PKHD1: variants seen among roughly 807,000 people sequenced by gnomAD.
PKHD1 encodes PKHD1 ciliary IPT domain containing fibrocystin/polyductin, also known as fibrocystin.
A neutral mutation model predicts 412.0 loss-of-function variants in PKHD1; 291 were observed. The observed-to-expected ratio is 0.71, with a 90% CI of 0.64 to 0.78. The LOEUF (loss-of-function observed/expected upper bound fraction) is 0.78, where lower values mean the gene tolerates loss of function less well. Ranked by LOEUF, PKHD1 falls within the 30% of genes least tolerant of loss-of-function variation. The pLI is 0.00. For missense variants in PKHD1, 4,825 were observed against 4,950.7 expected (o/e 0.97, Z 0.76); for synonymous variants, 1,777 against 1,821.5 (o/e 0.98, Z 0.62).
chr6:51,941,151 T>A (rs191578837), intron 36 of PKHD1, among the ~76,000 whole-genome samples: 1,657 of 149,754 alleles, frequency 0.011, 32 homozygotes, highest in African/African-American at 0.038. Flanking sequence ...CTAATCACCC[T>A]TACCCCACTC....
chr6:51,988,645 G>C (rs930738914), intron 35 of PKHD1, among the ~76,000 whole-genome samples: 1 of 152,164 alleles, frequency 6.6e-6, no homozygotes, highest in African/African-American at 2.4e-5. Flanking sequence ...AAAGATCTAA[G>C]AGTTGAATGG....
intron 35 of PKHD1, among the ~76,000 whole-genome samples, chr6:52,001,828 C>T (rs1319579073): frequency 6.6e-6 from 1 of 152,132 alleles, no homozygotes; most frequent in African/African-American, 2.4e-5. Context: ...ACGGCAAGTT[C>T]TGATTATGAC....
intron 37 of PKHD1, among the ~76,000 whole-genome samples, chr6:51,929,166 C>A (rs1226555675): frequency 6.6e-6 from 1 of 152,058 alleles, no homozygotes; most frequent in Non-Finnish European, 1.5e-5. Flanking sequence ...ATAAGAGGAA[C>A]TGTTATGACA....
At chr6:51,943,408 A>G (rs1004126520) in intron 36 of PKHD1, among the ~76,000 whole-genome samples, 3 of 150,434 alleles carry the variant, frequency 2.0e-5, no homozygotes, top group African/African-American at 7.3e-5. Flanking sequence ...AAAAAAAAAA[A>G]CTCATCATCC....
At chr6:51,894,802 A>G (rs1029756484) in intron 43 of PKHD1, among the ~76,000 whole-genome samples, 1 of 152,218 alleles carries the variant, frequency 6.6e-6, no homozygotes. Context: ...TATCATACCA[A>G]TGTCAATGTC....
chr6:52,047,040 C>T (rs908664887), intron 23 of PKHD1, among the ~76,000 whole-genome samples: 4 of 152,208 alleles, frequency 2.6e-5, no homozygotes, highest in Non-Finnish European at 4.4e-5. Context: ...TATCCTTTTA[C>T]AAATCATGTT....
intron 53 of PKHD1, among the ~76,000 whole-genome samples, chr6:51,785,896 C>T (rs1203235106): frequency 6.6e-6 from 1 of 152,170 alleles, no homozygotes; most frequent in Non-Finnish European, 1.5e-5. Context: ...CATAAATCTG[C>T]TTGTTCTCTA....
chr6:51,928,017 G>A (rs959114739), intron 37 of PKHD1, among the ~76,000 whole-genome samples: 3 of 152,144 alleles, frequency 2.0e-5, no homozygotes, highest in African/African-American at 7.2e-5. Flanking sequence ...TATTCAGAGA[G>A]AGAGCAACAC....
chr6:51,989,465 C>T (rs535203898), intron 35 of PKHD1, among the ~76,000 whole-genome samples: 2 of 152,280 alleles, frequency 1.3e-5, no homozygotes, highest in African/African-American at 2.4e-5. Flanking sequence ...CATGCAGGCA[C>T]ACCTGCAGGG....
At chr6:51,780,955 G>T (rs546219391) in intron 53 of PKHD1, among the ~76,000 whole-genome samples, 2 of 151,920 alleles carry the variant, frequency 1.3e-5, no homozygotes, top group African/African-American at 4.8e-5. Context: ...TAAATATCAC[G>T]ACTGCACATG....
At chr6:51,874,435 C>T (rs1368340007) in intron 46 of PKHD1, among the ~76,000 whole-genome samples, 1 of 152,134 alleles carries the variant, frequency 6.6e-6, no homozygotes, top group Non-Finnish European at 1.5e-5. Flanking sequence ...TTATTCTATT[C>T]ATCTCAATAC....
intron 35 of PKHD1, among the ~76,000 whole-genome samples, chr6:51,998,383 A>G (rs1797954867): frequency 6.6e-6 from 1 of 152,252 alleles, no homozygotes. Flanking sequence ...TCACTGTCAC[A>G]GAGGGAATAA....
intron 5 of PKHD1, among the ~76,000 whole-genome samples, chr6:52,077,595 T>A (rs1811505161): frequency 6.6e-6 from 1 of 152,174 alleles, no homozygotes; most frequent in Admixed American, 6.5e-5. Context: ...ACAGCCTTAA[T>A]CAGATTGAGA....
chr6:51,696,994 G>T (rs1778876217), intron 60 of PKHD1, among the ~76,000 whole-genome samples: 1 of 152,112 alleles, frequency 6.6e-6, no homozygotes, highest in Non-Finnish European at 1.5e-5. Context: ...TTTGAAACCA[G>T]CCTGGCCAAC....
At chr6:52,087,269 C>T (rs2128250000) in intron 1 of PKHD1, among the ~76,000 whole-genome samples, 165 bp downstream of exon 1, 1 of 152,238 alleles carries the variant, frequency 6.6e-6, no homozygotes, top group South Asian at 2.1e-4. Flanking sequence ...TCCCTCTTCC[C>T]TTCTTCCTCC....
chr6:51,759,942 T>G (rs962221013), intron 55 of PKHD1, among the ~76,000 whole-genome samples: 8 of 152,066 alleles, frequency 5.3e-5, no homozygotes, highest in African/African-American at 9.7e-5. Flanking sequence ...CTTCCAAACA[T>G]ATGCCTTTCA....
intron 6 of PKHD1, among the ~76,000 whole-genome samples, chr6:52,073,829 G>C (rs1810988344): frequency 6.6e-6 from 1 of 152,172 alleles, no homozygotes; most frequent in South Asian, 2.1e-4. Context: ...GTCTCAGATT[G>C]TGTGAACATT....
At chr6:51,743,606 A>T (rs1784832177) in intron 60 of PKHD1, among the ~76,000 whole-genome samples, 1 of 152,204 alleles carries the variant, frequency 6.6e-6, no homozygotes, top group Non-Finnish European at 1.5e-5. Flanking sequence ...GCAAAATTAG[A>T]GAAAGAAGGA....
chr6:51,725,198 C>G (rs1782423841), intron 60 of PKHD1, among the ~76,000 whole-genome samples: 1 of 152,128 alleles, frequency 6.6e-6, no homozygotes, highest in African/African-American at 2.4e-5. Context: ...GGTGAAGGTG[C>G]CTAGCTGTGT....
Sources: gnomAD v4.1 joint callset for allele counts (sites outside exome capture counted in the v4.1 genomes callset) on GRCh38, gnomAD v4.1.1 for gene constraint, MANE v1.5 for transcripts, NCBI Gene and HGNC (gene_info 2026-07-23, HGNC 2026-07-21) for gene names.